Variants in RELN observed in about 807,000 individuals in gnomAD.
RELN encodes the protein reelin.
In RELN, 108 loss-of-function variants were observed where a neutral mutation model predicts 427.6. The observed-to-expected ratio is 0.25, with a 90% confidence interval of 0.22 to 0.30. The LOEUF is 0.30. RELN is among the 10% of genes least tolerant of loss of function. The probability of loss-of-function intolerance (pLI) is 1.00; values close to 1 mark genes in which losing one functional copy is unlikely to be tolerated. For missense variants in RELN, 3,715 were observed against 4,302.8 expected, an observed-to-expected ratio of 0.86 and a Z score of 3.82; for synonymous variants, 1,524 against 1,513.4, an observed-to-expected ratio of 1.01 and a Z score of -0.16.
intron 55 of RELN, among the ~76,000 whole-genome samples, 160 bp from the exon 56 acceptor site, chr7:103,496,928 T>C (rs1456263178): frequency 2.0e-5 from 3 of 152,212 alleles, no homozygotes; most frequent in Admixed American, 6.5e-5. Context: ...TCACTACTTA[T>C]ACTGTTTCTG....
At chr7:103,568,366 C>A (rs1255634132) in intron 31 of RELN, among the ~76,000 whole-genome samples, 1 of 152,088 alleles carries the variant, frequency 6.6e-6, no homozygotes, top group Non-Finnish European at 1.5e-5. Flanking sequence ...GAGAATCAAA[C>A]CTACTGTATT....
intron 25 of RELN, among the ~76,000 whole-genome samples, chr7:103,596,242 TA>T (rs1324374530): frequency 6.6e-6 from 1 of 152,194 alleles, no homozygotes; most frequent in East Asian, 1.9e-4. Context: ...TCACAAGCTT[TA>T]AAAAATCTTT....
At chr7:103,703,491 T>C (rs1834135853) in intron 8 of RELN, among the ~76,000 whole-genome samples, 1 of 152,178 alleles carries the variant, frequency 6.6e-6, no homozygotes, top group Admixed American at 6.5e-5. Context: ...ATGTCACTCC[T>C]GGCTCCCTGT....
Position 103,823,457 on chromosome 7 carries a change from CCCCT to C in RELN, c.473+10076_473+10079del, listed in dbSNP as rs368433167. 2.9e-3 allele frequency among the ~76,000 whole-genome samples: 445 copies of C among 152,042 alleles called. 2 individuals carry two copies. The South Asian group carries it at 0.031, about 11-fold the overall frequency. On this transcript the variant is annotated intron_variant, in intron 3 of 64. Coordinates refer to ENST00000428762, the MANE Select transcript of RELN (RefSeq NM_005045.4). Reference sequence around the variant, plus strand: ...AACTGTTCTTTAATCCTTTGCCCTTCCCCTCCCTATTTTGGAAGTTATAATTTTA... The same window carrying C: ...AACTGTTCTTTAATCCTTTGCCCTTCCCCTATTTTGGAAGTTATAATTTTA...
At chr7:103,849,055 G>A (rs1336913113) in intron 2 of RELN, among the ~76,000 whole-genome samples, 1 of 152,202 alleles carries the variant, frequency 6.6e-6, no homozygotes, top group East Asian at 1.9e-4. Flanking sequence ...CATGTCAGAA[G>A]ATGTGACAGT....
chr7:103,515,682 G>C (rs1275294374), intron 49 of RELN, among the ~76,000 whole-genome samples: 1 of 152,208 alleles, frequency 6.6e-6, no homozygotes, highest in Non-Finnish European at 1.5e-5. Flanking sequence ...CTCCCAATTG[G>C]TTCTGTCTCT....
chr7:103,948,745 G>A (rs148873125), intron 1 of RELN, among the ~76,000 whole-genome samples: 109 of 152,208 alleles, frequency 7.2e-4, no homozygotes, highest in African/African-American at 2.5e-3. Context: ...CACGCAACAC[G>A]GTTGATGTCT....
intron 3 of RELN, among the ~76,000 whole-genome samples, chr7:103,812,297 A>C (rs1363657402): frequency 3.3e-5 from 5 of 152,140 alleles, no homozygotes; most frequent in Non-Finnish European, 5.9e-5. Context: ...GGACTTCACT[A>C]TCTGGCCCCT....
chr7:103,876,767 T>C (rs1006880560), intron 2 of RELN, among the ~76,000 whole-genome samples: 18 of 150,906 alleles, frequency 1.2e-4, no homozygotes, highest in African/African-American at 4.4e-4. Context: ...GAACACATGA[T>C]AAAATGTCTG....
chr7:103,539,035 A>G (rs1350498835), intron 45 of RELN, 43 bp downstream of exon 45: 24 of 1,610,942 alleles, frequency 1.5e-5, no homozygotes, highest in Non-Finnish European at 2.0e-5. Flanking sequence ...ACAGAAGCTC[A>G]TGCCCACATG....
chr7:103,909,398 A>C (rs1006615682), intron 2 of RELN, among the ~76,000 whole-genome samples: 63 of 151,700 alleles, frequency 4.2e-4, no homozygotes, highest in Non-Finnish European at 7.2e-4. Flanking sequence ...CATTACCATA[A>C]AATCTAAAAT....
chr7:103,972,678 C>T (rs1796788076), intron 1 of RELN, among the ~76,000 whole-genome samples: 1 of 152,068 alleles, frequency 6.6e-6, no homozygotes, highest in African/African-American at 2.4e-5. Flanking sequence ...AAATACAATG[C>T]CATGATGAGA....
At chr7:103,515,925 C>T (rs1315170696) in intron 49 of RELN, among the ~76,000 whole-genome samples, 1 of 152,188 alleles carries the variant, frequency 6.6e-6, no homozygotes, top group African/African-American at 2.4e-5. Flanking sequence ...AGTTCTCAGC[C>T]TGAGGGTACC....
chr7:103,623,220 A>T (rs187530582), intron 20 of RELN, among the ~76,000 whole-genome samples: 23 of 152,292 alleles, frequency 1.5e-4, no homozygotes, highest in Admixed American at 1.4e-3. Context: ...ATTTACTGTG[A>T]AATGGTCGCT....
chr7:103,687,299 C>G (rs1480978607), intron 10 of RELN, among the ~76,000 whole-genome samples: 2 of 152,078 alleles, frequency 1.3e-5, no homozygotes, highest in African/African-American at 4.8e-5. Flanking sequence ...TTAGACTTGC[C>G]TCCTCAAATT....
At chr7:103,732,577 T>C (rs972120522) in intron 6 of RELN, among the ~76,000 whole-genome samples, 5 of 152,064 alleles carry the variant, frequency 3.3e-5, no homozygotes, top group Non-Finnish European at 5.9e-5. Flanking sequence ...AGGCAACTGG[T>C]GGTCATGGCT....
Position 103,745,417 on chromosome 7 carries a change from G to A in RELN, c.656+4009C>T, listed in dbSNP as rs550498091. On this transcript the variant is annotated intron_variant, in intron 6 of 64. Coordinates refer to ENST00000428762, the MANE Select transcript of RELN (RefSeq NM_005045.4). The stretch of plus-strand genomic sequence containing the variant: ...CATGGTGTTGGAAGTTCTGGCCAGG[G>A]CAATTAGGCAGGAGAAGGAAATAAA... 3.3e-5 allele frequency among the ~76,000 whole-genome samples: 5 copies of A among 150,450 alleles called. No homozygotes were observed. In the East Asian group the frequency reaches 9.6e-4, roughly 29 times the overall value.
In RELN at chr7:103,492,276, A is replaced by G. The variant is rs549835712; in HGVS notation, c.9370-250T>C. Among the ~76,000 whole-genome samples the G allele has an allele frequency of 2.0e-5, 3 of 152,304 alleles. No homozygotes were observed. The East Asian group carries it at 5.8e-4, about 29-fold the overall frequency. On this transcript the variant is annotated intron_variant, in intron 57 of 64. Coordinates refer to ENST00000428762, the MANE Select transcript of RELN (RefSeq NM_005045.4). ...TACTAAATTAGTATAATAAAAAATT[A>G]ATCACAAATCTGGGTAAGATAAACT... is the stretch of plus-strand genomic sequence containing the variant.
chr7:103,477,054 T>G (rs760218461), intron 64 of RELN, among the ~76,000 whole-genome samples: 1 of 152,198 alleles, frequency 6.6e-6, no homozygotes, highest in Non-Finnish European at 1.5e-5. Flanking sequence ...TCTTCCATTA[T>G]GAGTAAGTAA....
Sources: allele counts gnomAD v4.1 joint callset (sites outside exome capture counted in the v4.1 genomes callset), GRCh38; gene constraint gnomAD v4.1.1; transcripts MANE v1.5; gene names NCBI Gene and HGNC (gene_info 2026-07-23, HGNC 2026-07-21).